RNASE4: variants seen among roughly 807,000 people sequenced by gnomAD.
RNASE4 encodes the protein ribonuclease A family member 4.
For synonymous variants in RNASE4, 93 were observed against 71.4 expected (o/e 1.30, Z -1.52); for missense variants, 194 against 192.8 (o/e 1.01, Z -0.04).
In RNASE4 at chr14:20,699,357, A is replaced by T; in HGVS notation, c.-15A>T. On this transcript the variant is annotated splice_region_variant and 5_prime_UTR_variant, in exon 2 of 2. Coordinates refer to ENST00000555835, the MANE Select transcript of RNASE4 (RefSeq NM_002937.5). ...CTGCCCCTTGCTTTCTTTTCTAGGC[A>T]CCTCTAAGATACTGATGGCTCTGCA... 1 of 1,556,824 alleles carries T rather than the reference A, an allele frequency of 6.4e-7. No homozygotes were observed.
At position 20,699,416 on chromosome 14, in the gene RNASE4, GACC is replaced by G. The variant is rs749054271; in HGVS notation, c.46_48del (p.Thr16del). On this transcript the variant is annotated inframe_deletion, in exon 2 of 2. Coordinates refer to ENST00000555835, the MANE Select transcript of RNASE4 (RefSeq NM_002937.5). ...ATTCATTGCTTCTGCTTTTGCTGCT[GACC>G]CTGCTGGGGCTGGGGCTGGTCCAGC... 1.2e-6 allele frequency: 2 copies of G among 1,609,232 alleles called. No homozygotes were observed. The highest frequency in any genetic ancestry group is 8.5e-7 in the Non-Finnish European group (1 of 1,176,588).
chr14:20,685,069 C>A (rs1045522396), intron 1 of RNASE4, among the ~76,000 whole-genome samples: 11 of 152,184 alleles, frequency 7.2e-5, no homozygotes, highest in Non-Finnish European at 1.2e-4. Context: ...TGCACTTGCC[C>A]ACAACTAAGA....
In RNASE4 at chr14:20,699,358, C is replaced by T. The variant is rs765855486; in HGVS notation, c.-14C>T. The T allele has an allele frequency of 3.4e-5, 54 of 1,569,696 alleles. No homozygotes were observed. The highest frequency in any genetic ancestry group is 3.9e-5 in the Non-Finnish European group (45 of 1,157,448). ...TGCCCCTTGCTTTCTTTTCTAGGCA[C>T]CTCTAAGATACTGATGGCTCTGCAG... On this transcript the variant is annotated 5_prime_UTR_variant, in exon 2 of 2. Coordinates refer to ENST00000555835, the MANE Select transcript of RNASE4 (RefSeq NM_002937.5).
chr14:20,691,039 T>C (rs1002792767), intron 1 of RNASE4, among the ~76,000 whole-genome samples: 2 of 152,240 alleles, frequency 1.3e-5, no homozygotes, highest in African/African-American at 4.8e-5. Context: ...GAGGTGTCCT[T>C]GGTCTTAATA....
chr14:20,699,735 T>C lies in RNASE4; in HGVS notation c.364T>C (p.Tyr122His). 6.2e-7 allele frequency: 1 copy of C among 1,611,002 alleles called. No homozygotes were observed. The highest frequency in any genetic ancestry group is 8.5e-7 in the Non-Finnish European group (1 of 1,180,012). Residue 122 changes from tyrosine to histidine, a missense_variant, in exon 2 of 2, where the codon TAT (tyrosine) becomes CAT (histidine). By Grantham distance (83) the Tyr-to-His change is moderately conservative. Transcript: ENST00000555835. ...TGSSRAPNCR[Y>H]RAIASTRRVV... ...AAGTTCCAGGGCACCCAACTGCAGA[T>C]ATCGGGCCATAGCGAGCACTAGACG... is the stretch of plus-strand genomic sequence containing the variant.
intron 1 of RNASE4, 21 bp from the exon 2 acceptor site, chr14:20,699,334 G>T (rs775043672): frequency 2.0e-6 from 3 of 1,534,362 alleles, no homozygotes; most frequent in Admixed American, 2.0e-5. Context: ...TATTTCTCCT[G>T]CCCCTTGCTT....
intron 1 of RNASE4, among the ~76,000 whole-genome samples, chr14:20,694,339 G>T (rs1241985772): frequency 1.6e-5 from 2 of 121,742 alleles, no homozygotes; most frequent in Non-Finnish European, 3.2e-5. Flanking sequence ...TCACTCTGTC[G>T]CCCAGGCTTA....
In RNASE4 at chr14:20,687,852, G is replaced by A. The variant is rs1038684143; in HGVS notation, c.-18+3094G>A. ...GTGCAGCCAGACTGAATACTTGGCA[G>A]CTAGGTGGGTGACAACAGAGGATTG... On this transcript the variant is annotated intron_variant, in intron 1 of 1. Transcript: ENST00000555835. 3.3e-5 allele frequency among the ~76,000 whole-genome samples: 5 copies of A among 152,332 alleles called. No homozygotes were observed. In the East Asian group the frequency reaches 7.7e-4, roughly 23 times the overall value.
intron 1 of RNASE4, among the ~76,000 whole-genome samples, chr14:20,687,189 T>C (rs1310653938): frequency 6.6e-6 from 1 of 152,270 alleles, no homozygotes; most frequent in Non-Finnish European, 1.5e-5. Context: ...AGTGCTTAGA[T>C]GCATTCTAAT....
At chr14:20,688,092 T>C (rs1886508907) in intron 1 of RNASE4, among the ~76,000 whole-genome samples, 1 of 152,194 alleles carries the variant, frequency 6.6e-6, no homozygotes, top group South Asian at 2.1e-4. Context: ...GCAACTACAT[T>C]ACAAGGATCA....
chr14:20,687,528 G>A (rs530303074), intron 1 of RNASE4, among the ~76,000 whole-genome samples: 35 of 152,246 alleles, frequency 2.3e-4, no homozygotes, highest in East Asian at 1.4e-3. Context: ...ACCGCTTTTC[G>A]GGACTCAGAG....
intron 1 of RNASE4, among the ~76,000 whole-genome samples, chr14:20,690,239 A>AAAAAAG (rs1886666991): frequency 6.7e-6 from 1 of 149,734 alleles, no homozygotes; most frequent in African/African-American, 2.5e-5. Flanking sequence ...AAAAAAAAAA[A>AAAAAAG]AAAAAAAAAG....
At position 20,700,574 on chromosome 14, in the gene RNASE4, A is replaced by C. The variant is rs1234249108; in HGVS notation, c.*759A>C. 6.0e-6 allele frequency: 1 copy of C among 167,086 alleles called. No homozygotes were observed. Among genetic ancestry groups the C allele is most frequent in the South Asian group, 2.1e-4 (1 of 4,828 alleles). The allele number at this position is 167,086 out of a possible 1,614,324, so 10.4% of individuals were successfully genotyped here. ...AGATTTTTTATGTTTTCCTTGTAATAAAGGACCTAAACCGAAGGTACCTGA... is the reference window on the plus strand; with the variant it reads ...AGATTTTTTATGTTTTCCTTGTAATCAAGGACCTAAACCGAAGGTACCTGA... On this transcript the variant is annotated 3_prime_UTR_variant, in exon 2 of 2. Coordinates refer to ENST00000555835, the MANE Select transcript of RNASE4 (RefSeq NM_002937.5).
chr14:20,690,786 A>G (rs1218181920), intron 1 of RNASE4, among the ~76,000 whole-genome samples: 1 of 152,244 alleles, frequency 6.6e-6, no homozygotes, highest in East Asian at 1.9e-4. Flanking sequence ...TACTTAAAAA[A>G]TATTAAGGGT....
Position 20,699,566 on chromosome 14 carries a change from T to A in RNASE4, c.195T>A (p.Tyr65Ter). ...LMMQRRKMTL[Y>*]HCKRFNTFIH... ...TGCAAAGACGGAAGATGACTTTGTA[T>A]CACTGCAAGCGCTTCAACACCTTCA... Residue 65 changes from tyrosine (Y) to a stop codon, truncating the protein, a stop_gained, in exon 2 of 2, where the codon TAT becomes TAA. Transcript: ENST00000555835. LOFTEE classifies it low-confidence loss of function (END_TRUNC). The A allele has an allele frequency of 6.2e-7, 1 of 1,614,224 alleles. No individual in the cohort carries two copies. The highest frequency in any genetic ancestry group is 8.5e-7 in the Non-Finnish European group (1 of 1,180,042).
intron 1 of RNASE4, among the ~76,000 whole-genome samples, chr14:20,692,986 T>C (rs950303964): frequency 3.3e-5 from 5 of 151,500 alleles, no homozygotes; most frequent in East Asian, 1.9e-4. Flanking sequence ...TAGCTGGGAC[T>C]ACAGGCGCCC....
chr14:20,696,188 C>T (rs566385208), intron 1 of RNASE4, among the ~76,000 whole-genome samples: 2 of 152,306 alleles, frequency 1.3e-5, no homozygotes, highest in East Asian at 3.9e-4. Flanking sequence ...CAAACATCTG[C>T]TTGGAGCATT....
Position 20,693,607 on chromosome 14 carries a change from G to A in RNASE4, c.-17-5748G>A, listed in dbSNP as rs771332480. 28 of 1,613,768 alleles carry A rather than the reference G, an allele frequency of 1.7e-5. No homozygotes were observed. Among genetic ancestry groups the A allele is most frequent in the Middle Eastern group, 1.7e-4 (1 of 5,902 alleles). On this transcript the variant is annotated intron_variant, in intron 1 of 1. Coordinates refer to ENST00000555835, the MANE Select transcript of RNASE4 (RefSeq NM_002937.5). ...CGTTTTGTTGTTGGTCTTCGTGCTG[G>A]GTCTGGGTCTGACCCCACCGACCCT... is the stretch of plus-strand genomic sequence containing the variant.
At chr14:20,686,765 C>T (rs1420934816) in intron 1 of RNASE4, among the ~76,000 whole-genome samples, 2 of 152,130 alleles carry the variant, frequency 1.3e-5, no homozygotes, top group African/African-American at 4.8e-5. Flanking sequence ...CCTGTTACTT[C>T]CGTTATTGAA....
Sources: gnomAD v4.1 joint callset for allele counts (sites outside exome capture counted in the v4.1 genomes callset) on GRCh38, gnomAD v4.1.1 for gene constraint, MANE v1.5 for transcripts, NCBI Gene and HGNC (gene_info 2026-07-23, HGNC 2026-07-21) for gene names.